TMCO4: variants seen among roughly 807,000 people sequenced by gnomAD.
TMCO4 encodes the protein transmembrane and coiled-coil domains 4.
In TMCO4, 58 loss-of-function variants were observed where a neutral mutation model predicts 64.7. The observed-to-expected ratio is 0.90, with a 90% confidence interval of 0.73 to 1.12. The LOEUF is 1.12. Among genes scored for constraint, TMCO4 ranks in the 50% most tolerant of loss-of-function variants. TMCO4 has a pLI of 0.00. For missense variants in TMCO4, 780 were observed against 825.9 expected (o/e 0.94, Z 0.68); for synonymous variants, 325 against 346.1 (o/e 0.94, Z 0.68).
In TMCO4 at chr1:19,732,592, A is replaced by G. The variant is rs892639427; in HGVS notation, c.1264+4780T>C. On this transcript the variant is annotated intron_variant, in intron 13 of 15. Transcript: ENST00000294543. The surrounding 1 kb of genome is among the most constrained non-coding windows in gnomAD (Gnocchi z 4.8). ...AGGAGGGAAACTATCAGGCTGATTA[A>G]TAACAAAGACAGTGGGGGCTGGGCA... Among the ~76,000 whole-genome samples, 73 of 152,244 alleles carry G rather than the reference A, an allele frequency of 4.8e-4. No individual in the cohort carries two copies. The highest frequency in any genetic ancestry group is 3.4e-3 in the Middle Eastern group (1 of 294).
chr1:19,723,688 C>T (rs1251190509), intron 13 of TMCO4, among the ~76,000 whole-genome samples: 1 of 152,218 alleles, frequency 6.6e-6, no homozygotes, highest in East Asian at 1.9e-4. Flanking sequence ...TCTTGGTCTC[C>T]TTTCCTCACC....
rs762501786 is a variant in TMCO4 at position 19,770,576 on chromosome 1, G to A, written c.355-7C>T. 5 of 1,612,438 alleles carry A rather than the reference G, an allele frequency of 3.1e-6. No homozygotes were observed. The South Asian group carries it at 3.3e-5, about 11-fold the overall frequency. ...GTGAGAAGCTCAGAAGGTCCTGAGG[G>A]AGAAGACAACAGGCATCAATGACAA... On this transcript the variant is annotated splice_polypyrimidine_tract_variant and splice_region_variant and intron_variant, in intron 5 of 15. Coordinates refer to ENST00000294543, the MANE Select transcript of TMCO4 (RefSeq NM_181719.7).
chr1:19,735,965 C>T lies in TMCO4; in HGVS notation c.1264+1407G>A, dbSNP rs369585487. On this transcript the variant is annotated intron_variant, in intron 13 of 15. Coordinates refer to ENST00000294543, the MANE Select transcript of TMCO4 (RefSeq NM_181719.7). ...AGAGCAGGGAGGAGTCTGCATTGGC[C>T]GACAACCAGCACCGATGGCCAGATA... Among the ~76,000 whole-genome samples the T allele has an allele frequency of 8.5e-5, 13 of 152,194 alleles. No homozygotes were observed. In the South Asian group the frequency reaches 1.0e-3, roughly 12 times the overall value.
chr1:19,791,560 C>T (rs375046647), intron 2 of TMCO4, among the ~76,000 whole-genome samples: 243 of 152,264 alleles, frequency 1.6e-3, no homozygotes, highest in South Asian at 8.7e-3. Flanking sequence ...TTGGGGGCCT[C>T]CACCCCTTGA....
chr1:19,735,953 G>A (rs2095452263), intron 13 of TMCO4, among the ~76,000 whole-genome samples: 1 of 152,146 alleles, frequency 6.6e-6, no homozygotes, highest in South Asian at 2.1e-4. Flanking sequence ...GCAGGGAGGA[G>A]TCTGCATTGG....
Position 19,683,150 on chromosome 1 carries a change from C to G in TMCO4, c.1795G>C (p.Ala599Pro), listed in dbSNP as rs765693125. Residue 599 changes from alanine to proline, a missense_variant, in exon 16 of 16, where the codon GCT becomes CCT. Ala to Pro is a conservative substitution (Grantham distance 27, BLOSUM62 -1). Transcript: ENST00000294543. ...DQSEGASLPAAASPERPPICS... is the reference protein window; with the variant it reads ...DQSEGASLPAPASPERPPICS... The stretch of plus-strand genomic sequence containing the variant: ...ATGGGGGGCCTTTCAGGGCTGGCAG[C>G]AGCAGGAAGGGAGGCCCCTTCAGAC... 8.1e-6 allele frequency: 13 copies of G among 1,613,980 alleles called. No homozygotes were observed. The Admixed American group carries it at 1.5e-4, about 19-fold the overall frequency.
chr1:19,691,852 G>A (rs1053190736), intron 15 of TMCO4, among the ~76,000 whole-genome samples: 10 of 152,086 alleles, frequency 6.6e-5, no homozygotes, highest in Admixed American at 1.3e-4. Context: ...GAATCATAGG[G>A]GTGGTTTCCC....
intron 15 of TMCO4, among the ~76,000 whole-genome samples, chr1:19,690,825 C>T (rs185476285): frequency 1.4e-4 from 21 of 149,868 alleles, no homozygotes; most frequent in South Asian, 8.5e-4. Context: ...TAGGGAGTTG[C>T]GAGGTTTACA....
rs184099971 is a variant in TMCO4 at position 19,783,170 on chromosome 1, G to T, written c.-8-2404C>A. On this transcript the variant is annotated intron_variant, in intron 3 of 15. Coordinates refer to ENST00000294543, the MANE Select transcript of TMCO4 (RefSeq NM_181719.7). The stretch of plus-strand genomic sequence containing the variant: ...TTATTACTGGGTGTAGGGCACTGGG[G>T]TTGCAATTTTAACATGCATTGTCTC... Among the ~76,000 whole-genome samples the T allele has an allele frequency of 1.4e-3, 218 of 152,336 alleles. 2 individuals are homozygous for T. The highest frequency in any genetic ancestry group is 4.1e-4 in the Non-Finnish European group (28 of 68,028).
Position 19,780,166 on chromosome 1 carries a change from G to A in TMCO4, c.179+414C>T, listed in dbSNP as rs897992005. Among the ~76,000 whole-genome samples the A allele has an allele frequency of 3.9e-5, 6 of 152,236 alleles. No homozygotes were observed. In the South Asian group the frequency reaches 1.0e-3, roughly 26 times the overall value. On this transcript the variant is annotated intron_variant, in intron 4 of 15. Coordinates refer to ENST00000294543, the MANE Select transcript of TMCO4 (RefSeq NM_181719.7). ...TAGATCCCTCGCGTGCGCAGTTCAC[G>A]ATAGGGTTTGAGCTTCTATGAGAAT...
intron 7 of TMCO4, among the ~76,000 whole-genome samples, chr1:19,748,163 T>A (rs1408820905): frequency 6.6e-6 from 1 of 152,218 alleles, no homozygotes; most frequent in East Asian, 1.9e-4. Context: ...CCCCATGAAC[T>A]GTGAGGATCC....
rs149935217 is a variant in TMCO4 at position 19,759,291 on chromosome 1, A to T, written c.383-3525T>A. The stretch of plus-strand genomic sequence containing the variant: ...ACTCCTTCTCCACTGCCACCGCCAC[A>T]GCCACAGCCCTCGCTCTCCAACCAC... On this transcript the variant is annotated intron_variant, in intron 6 of 15. Coordinates refer to ENST00000294543, the MANE Select transcript of TMCO4 (RefSeq NM_181719.7). 8.5e-3 allele frequency among the ~76,000 whole-genome samples: 1,290 copies of T among 151,984 alleles called. 22 individuals carry two copies. The highest frequency in any genetic ancestry group is 0.03 in the African/African-American group (1,230 of 41,430).
At chr1:19,757,535 T>G (rs1016195774) in intron 6 of TMCO4, among the ~76,000 whole-genome samples, 5 of 152,182 alleles carry the variant, frequency 3.3e-5, no homozygotes, top group Non-Finnish European at 5.9e-5. Context: ...GGGTAACATA[T>G]TCACAGTTGC....
chr1:19,745,856 C>G (rs947324807), intron 9 of TMCO4, among the ~76,000 whole-genome samples: 1 of 152,204 alleles, frequency 6.6e-6, no homozygotes, highest in Non-Finnish European at 1.5e-5. Context: ...GCTTCTGAGG[C>G]TGGCCAGCCC....
chr1:19,752,927 T>C lies in TMCO4; in HGVS notation c.515+2707A>G, dbSNP rs562317177. Among the ~76,000 whole-genome samples, 24 of 151,800 alleles carry C rather than the reference T, an allele frequency of 1.6e-4. No homozygotes were observed. The East Asian group carries it at 2.5e-3, about 16-fold the overall frequency. On this transcript the variant is annotated intron_variant, in intron 7 of 15. Transcript: ENST00000294543. ...TCTGATGCTGGCAACGTTCTTACGA[T>C]GTGAGCGGTATCTTTCTTTCTTTAT...
intron 2 of TMCO4, among the ~76,000 whole-genome samples, chr1:19,790,466 AAAAC>A (rs1290262792): frequency 1.3e-5 from 2 of 152,198 alleles, no homozygotes; most frequent in African/African-American, 4.8e-5. Context: ...TTACAAGAAA[AAAAC>A]AAACAACCCC....
Position 19,740,931 on chromosome 1 carries a change from ACTGAAGGTGC to A in TMCO4, c.878_887del (p.Arg293LeufsTer23). 1 of 1,610,494 alleles carries A rather than the reference ACTGAAGGTGC, an allele frequency of 6.2e-7. No individual in the cohort carries two copies. Among genetic ancestry groups the A allele is most frequent in the East Asian group, 2.2e-5 (1 of 44,852 alleles). Reference sequence around the variant, plus strand: ...TGTGGGCCAGGGCAGCCCACGGGGCACTGAAGGTGCCTGGGGAGATCACAGGTAGGTGAAG... The same window carrying A: ...TGTGGGCCAGGGCAGCCCACGGGGCACTGGGGAGATCACAGGTAGGTGAAG... On this transcript the variant is annotated frameshift_variant and splice_region_variant, in exon 11 of 16. Coordinates refer to ENST00000294543, the MANE Select transcript of TMCO4 (RefSeq NM_181719.7). LOFTEE classifies it high-confidence loss of function.
chr1:19,701,032 A>T (rs1436712986), intron 13 of TMCO4, 147 bp from the exon 14 acceptor site: 1 of 649,048 alleles, frequency 1.5e-6, no homozygotes, highest in Non-Finnish European at 2.7e-6. Flanking sequence ...ATGTGCATGT[A>T]CACACATGCA....
chr1:19,751,661 T>C (rs536272433), intron 7 of TMCO4, among the ~76,000 whole-genome samples: 19 of 152,160 alleles, frequency 1.2e-4, no homozygotes, highest in Non-Finnish European at 2.1e-4. Flanking sequence ...AAGAAGATAT[T>C]TTTTCCTAAA....
Sources: gnomAD v4.1 joint callset for allele counts (sites outside exome capture counted in the v4.1 genomes callset) on GRCh38, gnomAD v4.1.1 for gene constraint, Gnocchi (gnomAD v3.1) non-coding constraint, MANE v1.5 for transcripts, NCBI Gene and HGNC (gene_info 2026-07-23, HGNC 2026-07-21) for gene names.